Variants in PRKCI observed in about 807,000 individuals in gnomAD.
The protein encoded by PRKCI is protein kinase C iota, also known as protein kinase C iota type.
A neutral mutation model predicts 84.0 loss-of-function variants in PRKCI; 43 were observed. The ratio of observed to expected loss-of-function variants is 0.51; its 90% CI spans 0.40 to 0.66. The LOEUF (loss-of-function observed/expected upper bound fraction) is 0.66. Among genes scored for constraint, PRKCI ranks in the 30% least tolerant of loss-of-function variants. PRKCI has a pLI of 0.00. For missense variants in PRKCI, 459 were observed against 745.6 expected, an observed-to-expected ratio of 0.62 and a Z score of 4.48; for synonymous variants, 216 against 234.4, an observed-to-expected ratio of 0.92 and a Z score of 0.72.
chr3:170,293,321 C>T (rs1734610245), intron 13 of PRKCI, 62 bp from the exon 14 acceptor site: 2 of 1,465,834 alleles, frequency 1.4e-6, no homozygotes, highest in Non-Finnish European at 1.8e-6. Context: ...ATAAAATTTC[C>T]AGTTACTAAC....
Position 170,246,754 on chromosome 3 carries a change from A to C in PRKCI, c.223+11403A>C, listed in dbSNP as rs78314116. Among the ~76,000 whole-genome samples, 341 of 152,336 alleles carry C rather than the reference A, an allele frequency of 2.2e-3. 6 individuals carry two copies. The East Asian group carries it at 0.057, about 25-fold the overall frequency. ...TTCACAGTGTTGTACAACTATTAAC[A>C]GTATCCTTCTGTTTCCAGAACTTTT... On this transcript the variant is annotated intron_variant, in intron 2 of 17. Transcript: ENST00000295797.
chr3:170,273,961 G>C (rs570780929), intron 7 of PRKCI, among the ~76,000 whole-genome samples: 2 of 150,826 alleles, frequency 1.3e-5, no homozygotes, highest in Non-Finnish European at 2.9e-5. Flanking sequence ...GGGAGACTCT[G>C]TCTCTATTTA....
chr3:170,293,156 A>T lies in PRKCI; in HGVS notation c.1292-227A>T, dbSNP rs370715871. 1.5e-3 allele frequency among the ~76,000 whole-genome samples: 225 copies of T among 152,038 alleles called. 2 individuals are homozygous for T. The highest frequency in any genetic ancestry group is 4.6e-3 in the African/African-American group (191 of 41,350). On this transcript the variant is annotated intron_variant, in intron 13 of 17. Transcript: ENST00000295797. ...TGAAAGTAGAAATACATGGAGAAAG[A>T]AAGTTTTTTTTTCTCATAATTTTAT...
rs1271646735 is a variant in PRKCI, at chr3:170,260,078, A to G, written c.313+20A>G. On this transcript the variant is annotated intron_variant, in intron 3 of 17. Transcript: ENST00000295797. ...TTCATGGTAAGAGAGTAGTCATTTC[A>G]TACTCGTCCAGACTGATAATTTCTT... is the stretch of plus-strand genomic sequence containing the variant. 3.4e-6 allele frequency: 5 copies of G among 1,473,272 alleles called. No homozygotes were observed. Among genetic ancestry groups the G allele is most frequent in the Non-Finnish European group, 4.7e-6 (5 of 1,058,550 alleles). 91.3% of individuals were successfully genotyped at this position (1,473,272 alleles called of 1,614,324 possible). A position where few individuals can be genotyped will look rare whatever the true frequency, so the allele number is the denominator to read the frequency against.
At position 170,293,291 on chromosome 3, in the gene PRKCI, G is replaced by C. The variant is rs866172253; in HGVS notation, c.1292-92G>C. Reference sequence around the variant, plus strand: ...TGCATTTAGAGTTTACTTTTTCATTGTTTCTTTTTCCTTTATGTGATAAAA... The same window carrying C: ...TGCATTTAGAGTTTACTTTTTCATTCTTTCTTTTTCCTTTATGTGATAAAA... On this transcript the variant is annotated intron_variant, in intron 13 of 17. Transcript: ENST00000295797. 2.3e-6 allele frequency: 3 copies of C among 1,294,630 alleles called. No homozygotes were observed. In the African/African-American group the frequency reaches 4.5e-5, roughly 20 times the overall value. The allele number at this position is 1,294,630 out of a possible 1,614,324, so 80.2% of individuals were successfully genotyped here.
chr3:170,250,087 C>G (rs1245631997), intron 2 of PRKCI, among the ~76,000 whole-genome samples: 3 of 151,308 alleles, frequency 2.0e-5, no homozygotes, highest in Non-Finnish European at 2.9e-5. Context: ...ACCAGCCTGG[C>G]CTCTGTCGCT....
At chr3:170,234,864 G>A in intron 1 of PRKCI, among the ~76,000 whole-genome samples, 1 of 151,576 alleles carries the variant, frequency 6.6e-6, no homozygotes, top group East Asian at 1.9e-4. Flanking sequence ...GTGCAGTGAT[G>A]TGATCTCAGC....
chr3:170,291,160 A>C (rs960644821), intron 12 of PRKCI, among the ~76,000 whole-genome samples: 2 of 152,030 alleles, frequency 1.3e-5, no homozygotes, highest in Non-Finnish European at 2.9e-5. Context: ...TGTTCTTAGG[A>C]AAAATAAACA....
intron 1 of PRKCI, among the ~76,000 whole-genome samples, chr3:170,232,084 C>T (rs1732808219): frequency 6.6e-6 from 1 of 151,860 alleles, no homozygotes; most frequent in Non-Finnish European, 1.5e-5. Context: ...CACATTTCTA[C>T]TCTGTCACCC....
chr3:170,281,734 T>TA (rs1400414487), intron 10 of PRKCI, 148 bp from the exon 11 acceptor site: 1 of 1,026,098 alleles, frequency 9.7e-7, no homozygotes, highest in Non-Finnish European at 1.3e-6. Context: ...TTCCGTACCC[T>TA]AGATACCCTT....
intron 2 of PRKCI, among the ~76,000 whole-genome samples, chr3:170,245,691 C>T (rs943725759): frequency 5.9e-5 from 9 of 152,256 alleles, no homozygotes; most frequent in African/African-American, 1.9e-4. Flanking sequence ...CCTAGGCAAT[C>T]ACTGATCTGC....
chr3:170,293,499 C>G lies in PRKCI; in HGVS notation c.1408C>G (p.Leu470Val), dbSNP rs751036713. 6.2e-7 allele frequency: 1 copy of G among 1,613,432 alleles called. No individual in the cohort carries two copies. Among genetic ancestry groups the G allele is most frequent in the Non-Finnish European group, 8.5e-7 (1 of 1,179,722 alleles). ...CCCTGACCAGAACACAGAGGATTATCTCTTCCAAGGTAATTTGGAGTATTT... is the reference window on the plus strand; with the variant it reads ...CCCTGACCAGAACACAGAGGATTATGTCTTCCAAGGTAATTTGGAGTATTT... ...DNPDQNTEDY[L>V]FQVILEKQIR... Residue 470 changes from leucine to valine, a missense_variant, in exon 14 of 18, where the codon CTC becomes GTC. By Grantham distance (32) the Leu-to-Val change is conservative (BLOSUM62 1). Transcript: ENST00000295797.
chr3:170,301,559 C>T (rs1328610300), intron 17 of PRKCI, among the ~76,000 whole-genome samples: 1 of 151,984 alleles, frequency 6.6e-6, no homozygotes, highest in Admixed American at 6.6e-5. Context: ...CCCTGTTGTT[C>T]AGATTCCAGA....
At chr3:170,223,018 A>T (rs1336016464) in intron 1 of PRKCI, among the ~76,000 whole-genome samples, 1 of 152,194 alleles carries the variant, frequency 6.6e-6, no homozygotes, top group Non-Finnish European at 1.5e-5. Context: ...CCGAGAAGGA[A>T]GCTAGGGTTA....
chr3:170,230,557 T>C (rs1194397399), intron 1 of PRKCI, among the ~76,000 whole-genome samples: 2 of 152,252 alleles, frequency 1.3e-5, no homozygotes, highest in African/African-American at 2.4e-5. Context: ...CCCAAACTCG[T>C]GACCTCAAGT....
At chr3:170,297,763 G>T (rs192501473) in intron 16 of PRKCI, among the ~76,000 whole-genome samples, 12 of 151,158 alleles carry the variant, frequency 7.9e-5, no homozygotes, top group African/African-American at 2.9e-4. Flanking sequence ...GCCTATCTCG[G>T]GCCAAATTTT....
At chr3:170,270,949 G>C (rs915303544) in intron 6 of PRKCI, among the ~76,000 whole-genome samples, 3 of 151,240 alleles carry the variant, frequency 2.0e-5, no homozygotes, top group African/African-American at 7.4e-5. Context: ...TATCATGTTT[G>C]TTATTTAAAC....
chr3:170,269,422 G>A (rs1733947433), intron 5 of PRKCI, among the ~76,000 whole-genome samples: 1 of 152,202 alleles, frequency 6.6e-6, no homozygotes, highest in South Asian at 2.1e-4. Flanking sequence ...AGCAGTTTGG[G>A]AGGCTGCGAA....
chr3:170,245,957 T>TGTTTGTTTG (rs200509231), intron 2 of PRKCI, among the ~76,000 whole-genome samples: 5 of 141,470 alleles, frequency 3.5e-5, no homozygotes, highest in Non-Finnish European at 6.2e-5. Context: ...TTGTTTTTTT[T>TGTTTGTTTG]TTTTTTTTTT....
Sources: allele counts gnomAD v4.1 joint callset (sites outside exome capture counted in the v4.1 genomes callset), GRCh38; gene constraint gnomAD v4.1.1; transcripts MANE v1.5; gene names NCBI Gene and HGNC (gene_info 2026-07-23, HGNC 2026-07-21).